Variants in SAMD9 observed in about 807,000 individuals in gnomAD.
SAMD9 encodes sterile alpha motif domain containing 9, also known as sterile alpha motif domain-containing protein 9.
Under a neutral mutation model 1.5 loss-of-function variants are expected in SAMD9, and 3 were observed. That is an observed-to-expected ratio of 2.05 (90% CI 0.93 to 5.29). The LOEUF (loss-of-function observed/expected upper bound fraction) is 5.29, where lower values mean the gene tolerates loss of function less well. SAMD9 is among the 30% of genes most tolerant of loss of function. The pLI is 0.02. For synonymous variants in SAMD9, 635 were observed against 631.9 expected, an observed-to-expected ratio of 1.00 and a Z score of -0.07; for missense variants, 1,597 against 1,820.8, an observed-to-expected ratio of 0.88 and a Z score of 2.24.
In SAMD9 at chr7:93,101,758, T is replaced by C. The variant is rs2116412470; in HGVS notation, c.4340A>G (p.Asp1447Gly). Residue 1447 changes from aspartate to glycine, a missense_variant, in exon 3 of 3, where the codon GAT (aspartate) becomes GGT (glycine). By Grantham distance (94) the Asp-to-Gly change is moderately conservative (BLOSUM62 -1). Coordinates refer to ENST00000379958, the MANE Select transcript of SAMD9 (RefSeq NM_017654.4). Reference protein sequence around the residue: ...LLFWPENQQLDQHSEQMKEYA... With the variant: ...LLFWPENQQLGQHSEQMKEYA... ...CTCTTTCATTTGTTCAGAATGTTGA[T>C]CTAGTTGTTGATTTTCTGGCCAGAA... 1 of 1,613,860 alleles carries C rather than the reference T, an allele frequency of 6.2e-7. No individual in the cohort carries two copies. The highest frequency in any genetic ancestry group is 1.1e-5 in the South Asian group (1 of 91,080).
intron 1 of SAMD9, among the ~76,000 whole-genome samples, chr7:93,116,029 A>C (rs1024756636): frequency 4.6e-5 from 7 of 152,140 alleles, no homozygotes; most frequent in Non-Finnish European, 8.8e-5. Context: ...ACACTATTTA[A>C]CACATAAAGC....
At chr7:93,114,326 C>T (rs1041989446) in intron 2 of SAMD9, among the ~76,000 whole-genome samples, 5 of 150,716 alleles carry the variant, frequency 3.3e-5, no homozygotes, top group African/African-American at 1.2e-4. Flanking sequence ...GGAGGGATAG[C>T]ATTAGGAGAT....
Position 93,105,402 on chromosome 7 carries a change from A to G in SAMD9, c.696T>C (p.Asn232=), listed in dbSNP as rs1356159491. 6.2e-7 allele frequency: 1 copy of G among 1,614,024 alleles called. No individual in the cohort carries two copies. The highest frequency in any genetic ancestry group is 8.5e-7 in the Non-Finnish European group (1 of 1,179,970). ...FASACMNSRT[N]GTIHFGVKDK... is the part of the protein sequence containing the mutation. ...CTTTGACTCCAAAATGAATAGTGCC[A>G]TTGGTACGTGAATTCATACAAGCTG... Residue 232 remains asparagine, a synonymous_variant, in exon 3 of 3, where the codon AAT becomes AAC. Transcript: ENST00000379958.
chr7:93,112,692 T>A (rs1032674128), intron 2 of SAMD9, among the ~76,000 whole-genome samples: 7 of 152,132 alleles, frequency 4.6e-5, no homozygotes, highest in Non-Finnish European at 8.8e-5. Flanking sequence ...ATGAGTGAAC[T>A]CCCATTCACA....
At chr7:93,108,465 G>A (rs556103351) in intron 2 of SAMD9, among the ~76,000 whole-genome samples, 5 of 152,298 alleles carry the variant, frequency 3.3e-5, no homozygotes, top group African/African-American at 1.2e-4. Flanking sequence ...TGGACAGTGG[G>A]TGCAGTCCAA....
Position 93,101,991 on chromosome 7 carries a change from A to T in SAMD9, c.4107T>A (p.Tyr1369Ter). 6.2e-7 allele frequency: 1 copy of T among 1,613,796 alleles called. No individual in the cohort carries two copies. ...CAGTGCATTGTTCTAAGAGAAAAGT[A>T]TATTCGTTCACTATACATTTCATAG... The part of the protein sequence containing the change: ...ISTMKCIVNE[Y>*]TFLLEQCTVK... Residue 1369 changes from tyrosine (Y) to a stop codon, truncating the protein, a stop_gained, in exon 3 of 3, where the codon TAT becomes TAA. Coordinates refer to ENST00000379958, the MANE Select transcript of SAMD9 (RefSeq NM_017654.4). LOFTEE classifies it low-confidence loss of function (END_TRUNC).
rs762040521 is a variant in SAMD9 at position 93,105,107 on chromosome 7, T to G, written c.991A>C (p.Lys331Gln). The change falls in exon 3 of 3, where the codon AAA becomes CAA. Residue 331 changes from lysine (K) to glutamine (Q), a missense_variant. Lys to Gln is a moderately conservative substitution (Grantham distance 53, BLOSUM62 1). Around this residue, in one of 6 missense-constraint regions of SAMD9, gnomAD observed 498 missense variants for 457.4 expected, o/e 1.09. Transcript: ENST00000379958. ...FQIKMQNYNN[K>Q]IWEQSKKFSL... ...AATTTTTTACTTTGTTCCCATATTT[T>G]GTTGTTGTAATTTTGCATTTTAATC... 6.2e-7 allele frequency: 1 copy of G among 1,613,922 alleles called. No individual in the cohort carries two copies. The highest frequency in any genetic ancestry group is 2.2e-5 in the East Asian group (1 of 44,860).
intron 2 of SAMD9, among the ~76,000 whole-genome samples, chr7:93,111,718 T>C (rs1791747441): frequency 6.6e-6 from 1 of 152,108 alleles, no homozygotes; most frequent in South Asian, 2.1e-4. Context: ...AAGAAATGGA[T>C]AAATTCCTCG....
rs755056977 is a variant in SAMD9, at chr7:93,101,895, G to T, written c.4203C>A (p.Thr1401=). The part of the protein sequence containing the change: ...ANIILSCIQP[T]SRLVKPVEKL... ...TTTCAACTGGCTTTACTAATCTGGA[G>T]GTAGGTTGGATACAGGAGAGAATAA... The change falls in exon 3 of 3, where the codon ACC becomes ACA. Residue 1401 remains threonine (T), a synonymous_variant. Coordinates refer to ENST00000379958, the MANE Select transcript of SAMD9 (RefSeq NM_017654.4). 1 of 1,613,798 alleles carries T rather than the reference G, an allele frequency of 6.2e-7. No individual in the cohort carries two copies. Among genetic ancestry groups the T allele is most frequent in the South Asian group, 1.1e-5 (1 of 91,080 alleles).
chr7:93,103,609 AC>A lies in SAMD9; in HGVS notation c.2488del (p.Val830Ter), dbSNP rs765994579. 8.1e-6 allele frequency: 13 copies of A among 1,613,650 alleles called. No individual in the cohort carries two copies. In the South Asian group the frequency reaches 1.4e-4, roughly 18 times the overall value. On this transcript the variant is annotated frameshift_variant, in exon 3 of 3. Transcript: ENST00000379958. LOFTEE classifies it low-confidence loss of function (END_TRUNC). ...TGATCTCATACAATTTAGGATAATC[AC>A]CAGAGGTTTTTCATATCGAATGTAC... Reference protein sequence around the residue: ...KKYIRYEKPLVIILNCMRSQN... With the variant: ...KKYIRYEKPLXIILNCMRSQN...
chr7:93,101,122 A>G lies in SAMD9; in HGVS notation c.*206T>C. The G allele has an allele frequency of 1.7e-6, 1 of 587,714 alleles. No homozygotes were observed. Among genetic ancestry groups the G allele is most frequent in the Middle Eastern group, 4.7e-4 (1 of 2,140 alleles). The allele number at this position is 587,714 out of a possible 1,614,324, so 36.4% of individuals were successfully genotyped here. A position where few individuals can be genotyped will look rare whatever the true frequency, so the allele number is the denominator to read the frequency against. On this transcript the variant is annotated 3_prime_UTR_variant, in exon 3 of 3. Transcript: ENST00000379958. The stretch of plus-strand genomic sequence containing the variant: ...AACCAAACCAAGGAACATATTTGCT[A>G]CTTTTCATATATCTCACTCCTTCCT...
chr7:93,115,052 A>G (rs1237065799), intron 1 of SAMD9, among the ~76,000 whole-genome samples, 157 bp from the exon 2 acceptor site: 1 of 152,200 alleles, frequency 6.6e-6, no homozygotes, highest in African/African-American at 2.4e-5. Context: ...TAAGGATTAG[A>G]CTTGGCCTAC....
chr7:93,113,250 T>C (rs1195973774), intron 2 of SAMD9, among the ~76,000 whole-genome samples: 2 of 152,190 alleles, frequency 1.3e-5, no homozygotes, highest in Non-Finnish European at 2.9e-5. Flanking sequence ...TGGCTAGCCA[T>C]ATATAGAAAG....
intron 1 of SAMD9, among the ~76,000 whole-genome samples, chr7:93,116,815 C>G (rs898972787): frequency 6.6e-6 from 1 of 152,078 alleles, no homozygotes; most frequent in Non-Finnish European, 1.5e-5. Context: ...AAAAACTGAC[C>G]TGAAAATTTG....
intron 2 of SAMD9, among the ~76,000 whole-genome samples, chr7:93,109,017 A>T (rs1791694705): frequency 6.6e-6 from 1 of 152,096 alleles, no homozygotes; most frequent in Non-Finnish European, 1.5e-5. Flanking sequence ...TGGGTCCCTG[A>T]CCCCTGAGTA....
At position 93,101,327 on chromosome 7, in the gene SAMD9, CTT is replaced by C. The variant is rs1455031791; in HGVS notation, c.4769_4770del (p.Ter1590=). On this transcript the variant is annotated frameshift_variant and stop_lost, in exon 3 of 3. Transcript: ENST00000379958. LOFTEE classifies it high-confidence loss of function. ...GPLAYDIEIV[*>X] ...ATTCTTGGAGGAAGAATATCAGGCT[CTT>C]AAACAATTTCAATGTCATAAGCAAG... 1.9e-6 allele frequency: 3 copies of C among 1,609,508 alleles called. No homozygotes were observed. Among genetic ancestry groups the C allele is most frequent in the African/African-American group, 2.7e-5 (2 of 75,014 alleles).
In SAMD9 at chr7:93,104,040, ACCTCGATAGAAGTCTT is replaced by A; in HGVS notation, c.2042_2057del (p.Glu681ValfsTer32). ...AGAAGTTCCACCATGACACTTTGCCACCTCGATAGAAGTCTTCCTCTTTTGATGCCTTGAATTCAAG... is the reference window on the plus strand; with the variant it reads ...AGAAGTTCCACCATGACACTTTGCCACCTCTTTTGATGCCTTGAATTCAAG... On this transcript the variant is annotated frameshift_variant, in exon 3 of 3. Transcript: ENST00000379958. LOFTEE classifies it low-confidence loss of function (END_TRUNC). The A allele has an allele frequency of 1.2e-6, 2 of 1,614,008 alleles. No individual in the cohort carries two copies.
chr7:93,105,992 A>G lies in SAMD9; in HGVS notation c.106T>C (p.Leu36=), dbSNP rs1399707436. The G allele has an allele frequency of 1.9e-6, 3 of 1,593,386 alleles. No homozygotes were observed. Among genetic ancestry groups the G allele is most frequent in the African/African-American group, 1.4e-5 (1 of 73,658 alleles). The change falls in exon 3 of 3, where the codon TTG becomes CTG. Residue 36 remains leucine, a synonymous_variant. Transcript: ENST00000379958. ...GCTCCATTCACGTCTTGTTCAGTCA[A>G]AATTTCCCTGTGTTTTTGGTCAATC... The part of the protein sequence containing the change: ...HKIDQKHREI[L]TEQDVNGAVL...
chr7:93,104,548 CT>C lies in SAMD9; in HGVS notation c.1549del (p.Arg517GlufsTer8), dbSNP rs1167179816. 2.5e-6 allele frequency: 4 copies of C among 1,614,040 alleles called. No individual in the cohort carries two copies. The highest frequency in any genetic ancestry group is 3.4e-6 in the Non-Finnish European group (4 of 1,179,926). On this transcript the variant is annotated frameshift_variant, in exon 3 of 3. Transcript: ENST00000379958. LOFTEE classifies it low-confidence loss of function (END_TRUNC). ...AATCAGTTTCCTGACATCAGAAGCTCTTTCTCTTTGCCAGGAACTTGGATCA... is the reference window on the plus strand; with the variant it reads ...AATCAGTTTCCTGACATCAGAAGCTCTTCTCTTTGCCAGGAACTTGGATCA... ...PFDPSSWQRERASDVRKLISF... is the reference protein window; with the variant it reads ...PFDPSSWQREXASDVRKLISF...
Sources: gnomAD v4.1 joint callset for allele counts (sites outside exome capture counted in the v4.1 genomes callset) on GRCh38, gnomAD v4.1.1 for gene constraint, gnomAD v4.1.1 regional missense constraint, MANE v1.5 for transcripts, NCBI Gene and HGNC (gene_info 2026-07-23, HGNC 2026-07-21) for gene names.